GMEB1: variants seen among roughly 807,000 people sequenced by gnomAD.
GMEB1 encodes glucocorticoid modulatory element binding protein 1, also known as glucocorticoid modulatory element-binding protein 1.
GMEB1 carries 6 observed loss-of-function variants against 52.4 expected under a neutral mutation model. The observed-to-expected ratio is 0.11, with a 90% CI of 0.06 to 0.23. The LOEUF (loss-of-function observed/expected upper bound fraction) is 0.23. GMEB1 is among the 10% of genes least tolerant of loss of function. The pLI, the probability that GMEB1 is intolerant of heterozygous loss-of-function variation, is 1.00. For missense variants in GMEB1, 486 were observed against 685.6 expected (o/e 0.71, Z 3.25); for synonymous variants, 255 against 244.9 (o/e 1.04, Z -0.38).
intron 2 of GMEB1, among the ~76,000 whole-genome samples, chr1:28,686,172 C>G (rs1345467594): frequency 6.6e-6 from 1 of 151,788 alleles, no homozygotes; most frequent in South Asian, 2.1e-4. Flanking sequence ...GAGACCCTGT[C>G]TCTACAAAAA....
At chr1:28,672,307 G>A (rs1211492216) in intron 1 of GMEB1, among the ~76,000 whole-genome samples, 11 of 148,706 alleles carry the variant, frequency 7.4e-5, no homozygotes, top group African/African-American at 2.5e-4. Context: ...TGCAAGCTCC[G>A]CCTCCCGGGT....
intron 1 of GMEB1, among the ~76,000 whole-genome samples, chr1:28,669,765 T>C (rs1407684679): frequency 6.6e-6 from 1 of 152,102 alleles, no homozygotes; most frequent in Non-Finnish European, 1.5e-5. Flanking sequence ...CCTATCTTTT[T>C]GAGAGAAGCA....
chr1:28,687,379 C>CA (rs1399256461), intron 2 of GMEB1, among the ~76,000 whole-genome samples: 4 of 16,376 alleles, frequency 2.4e-4, no homozygotes, highest in African/African-American at 3.2e-4. Context: ...CACACACACA[C>CA]ACACACACAA....
Position 28,691,718 on chromosome 1 carries a change from C to G in GMEB1, c.336+9C>G, listed in dbSNP as rs1252456880. ...ACGTGAAGTGTGTCAAGGTAATTGT[C>G]TTTTCCATGCTGAAGCCAAATTTGG... On this transcript the variant is annotated intron_variant, in intron 4 of 9. Coordinates refer to ENST00000373816, the MANE Select transcript of GMEB1 (RefSeq NM_001319674.2). The G allele has an allele frequency of 9.6e-6, 14 of 1,457,744 alleles. No individual in the cohort carries two copies. Among genetic ancestry groups the G allele is most frequent in the Non-Finnish European group, 1.3e-5 (14 of 1,085,646 alleles). The allele number at this position is 1,457,744 out of a possible 1,614,324, so 90.3% of individuals were successfully genotyped here. A position where few individuals can be genotyped will look rare whatever the true frequency, so the allele number is the denominator to read the frequency against.
chr1:28,712,649 T>C (rs1172360849), intron 9 of GMEB1, among the ~76,000 whole-genome samples: 1 of 151,766 alleles, frequency 6.6e-6, no homozygotes, highest in Non-Finnish European at 1.5e-5. Context: ...TGAAACCTCA[T>C]CTCTACTAAA....
intron 2 of GMEB1, chr1:28,689,605 G>A (rs1669859750): frequency 6.6e-6 from 1 of 152,320 alleles, no homozygotes; most frequent in Non-Finnish European, 1.5e-5. Flanking sequence ...CTTCAGCCTG[G>A]GTGACAGAGC....
At chr1:28,707,722 C>T (rs1670848174) in intron 8 of GMEB1, among the ~76,000 whole-genome samples, 1 of 152,000 alleles carries the variant, frequency 6.6e-6, no homozygotes, top group Non-Finnish European at 1.5e-5. Context: ...AGATGTCACT[C>T]ATCTAGATAG....
intron 8 of GMEB1, among the ~76,000 whole-genome samples, chr1:28,707,134 C>G (rs1240868937): frequency 1.3e-5 from 2 of 151,774 alleles, no homozygotes; most frequent in South Asian, 2.1e-4. Flanking sequence ...AGGTGCCCAC[C>G]ACCACGGCCA....
intron 2 of GMEB1, 112 bp downstream of exon 2, chr1:28,683,852 C>A: frequency 9.7e-7 from 1 of 1,026,330 alleles, no homozygotes; most frequent in Non-Finnish European, 1.5e-6. Flanking sequence ...TCAATCAGAG[C>A]TGGCTCAGTT....
chr1:28,670,430 C>G (rs1668832074), intron 1 of GMEB1, among the ~76,000 whole-genome samples: 1 of 152,140 alleles, frequency 6.6e-6, no homozygotes, highest in African/African-American at 2.4e-5. Context: ...TGGGTTCAAG[C>G]GATTCTCCTG....
chr1:28,710,670 G>A, intron 9 of GMEB1, 28 bp downstream of exon 9: 1 of 1,459,900 alleles, frequency 6.8e-7, no homozygotes, highest in Non-Finnish European at 9.1e-7. Flanking sequence ...CTCTTCTTCG[G>A]TGATATCATG....
At chr1:28,710,748 A>G (rs1174417635) in intron 9 of GMEB1, 106 bp downstream of exon 9, 5 of 707,520 alleles carry the variant, frequency 7.1e-6, no homozygotes, top group Admixed American at 3.3e-5. Flanking sequence ...TTTAAATAGT[A>G]TCAGATTTTG....
rs1330711765 is a variant in GMEB1, at chr1:28,714,231, TCTC to T, written c.1156_1158del (p.Pro386del). 15 of 1,613,986 alleles carry T rather than the reference TCTC, an allele frequency of 9.3e-6. No homozygotes were observed. Among genetic ancestry groups the T allele is most frequent in the Admixed American group, 6.7e-5 (4 of 59,964 alleles). The stretch of plus-strand genomic sequence containing the variant: ...AGCCTCCACCACTGTCTTGAGCCCT[TCTC>T]CTCCTGTCCAGCAGCCTCAGTTCAC... On this transcript the variant is annotated inframe_deletion, in exon 10 of 10. Transcript: ENST00000373816.
chr1:28,707,529 T>C (rs1291481015), intron 8 of GMEB1, among the ~76,000 whole-genome samples: 2 of 152,066 alleles, frequency 1.3e-5, no homozygotes, highest in African/African-American at 4.8e-5. Flanking sequence ...GTCTTGCTGA[T>C]GGATTGGAGG....
chr1:28,695,869 G>T (rs1405917923), intron 5 of GMEB1, among the ~76,000 whole-genome samples: 106 of 132,524 alleles, frequency 8.0e-4, no homozygotes, highest in Non-Finnish European at 1.4e-3. Context: ...AACCCGGGAG[G>T]CGGAGCTTGC....
chr1:28,669,549 T>C (rs940323379), intron 1 of GMEB1, among the ~76,000 whole-genome samples: 2 of 151,864 alleles, frequency 1.3e-5, no homozygotes, highest in African/African-American at 2.4e-5. Context: ...GCAGGTTTTT[T>C]CCAAAGGCAG....
At chr1:28,683,458 C>A in intron 1 of GMEB1, 125 bp from the exon 2 acceptor site, 1 of 694,430 alleles carries the variant, frequency 1.4e-6, no homozygotes, top group South Asian at 2.0e-5. Flanking sequence ...CTCCCAACCT[C>A]AGGCGATCCG....
intron 1 of GMEB1, among the ~76,000 whole-genome samples, chr1:28,674,886 T>G (rs901221077): frequency 2.8e-5 from 4 of 141,588 alleles, no homozygotes; most frequent in African/African-American, 1.1e-4. Context: ...GCCCGGCTAA[T>G]TTTTTGTATT....
At chr1:28,696,798 T>C (rs1670228845) in intron 5 of GMEB1, 129 bp from the exon 6 acceptor site, 2 of 643,710 alleles carry the variant, frequency 3.1e-6, no homozygotes, top group South Asian at 7.6e-5. Context: ...CCTAATGACT[T>C]CTAACACTAT....
Sources: allele counts gnomAD v4.1 joint callset (sites outside exome capture counted in the v4.1 genomes callset), GRCh38; gene constraint gnomAD v4.1.1; transcripts MANE v1.5; gene names NCBI Gene and HGNC (gene_info 2026-07-23, HGNC 2026-07-21).